Variants in PCDHA11 observed in about 807,000 individuals in gnomAD.
The protein encoded by PCDHA11 is protocadherin alpha-11.
PCDHA11 carries 61 observed loss-of-function variants against 70.3 expected under a neutral mutation model. The ratio of observed to expected loss-of-function variants is 0.87; its 90% CI spans 0.71 to 1.07. PCDHA11 has a LOEUF of 1.07. PCDHA11 is among the 50% of genes least tolerant of loss of function. PCDHA11 has a pLI of 0.00. For synonymous variants in PCDHA11, 633 were observed against 555.1 expected, an observed-to-expected ratio of 1.14 and a Z score of -1.97; for missense variants, 1,324 against 1,237.5, an observed-to-expected ratio of 1.07 and a Z score of -1.05.
At chr5:140,940,593 A>G (rs2092648765) in intron 1 of PCDHA11, among the ~76,000 whole-genome samples, 1 of 152,170 alleles carries the variant, frequency 6.6e-6, no homozygotes, top group Non-Finnish European at 1.5e-5. Flanking sequence ...GATTTCAGGC[A>G]TGAGCCGCTG....
Position 140,869,435 on chromosome 5 carries a change from A to G in PCDHA11, c.332A>G (p.Asp111Gly), listed in dbSNP as rs1554163053. 6.2e-7 allele frequency: 1 copy of G among 1,614,208 alleles called. No homozygotes were observed. Among genetic ancestry groups the G allele is most frequent in the Admixed American group, 1.7e-5 (1 of 60,026 alleles). Residue 111 changes from aspartate to glycine, a missense_variant, in exon 1 of 4, where the codon GAC becomes GGC. By Grantham distance (94) the Asp-to-Gly change is moderately conservative. Coordinates refer to ENST00000398640, the MANE Select transcript of PCDHA11 (RefSeq NM_018902.5). ...ECSIHLEVIV[D>G]RPLQVFHVNV... Reference sequence around the variant, plus strand: ...AGCATCCACCTGGAGGTGATCGTGGACAGGCCGCTGCAGGTTTTCCATGTG... The same window carrying G: ...AGCATCCACCTGGAGGTGATCGTGGGCAGGCCGCTGCAGGTTTTCCATGTG...
intron 1 of PCDHA11, among the ~76,000 whole-genome samples, chr5:140,911,856 T>C (rs1252396387): frequency 6.6e-6 from 1 of 152,184 alleles, no homozygotes; most frequent in Non-Finnish European, 1.5e-5. Context: ...TCCTTAATAG[T>C]CTGTTCTTCT....
intron 1 of PCDHA11, among the ~76,000 whole-genome samples, chr5:140,942,119 A>T (rs1180591078): frequency 6.6e-6 from 1 of 152,242 alleles, no homozygotes; most frequent in African/African-American, 2.4e-5. Context: ...AACTTTATTA[A>T]AGGTGATATT....
At chr5:140,984,254 G>A (rs553931247) in intron 3 of PCDHA11, among the ~76,000 whole-genome samples, 1 of 152,278 alleles carries the variant, frequency 6.6e-6, no homozygotes, top group East Asian at 1.9e-4. Flanking sequence ...GACCTGGTAA[G>A]CCACAAACTA....
chr5:140,877,730 A>G (rs782465464), intron 1 of PCDHA11: 1 of 1,614,146 alleles, frequency 6.2e-7, no homozygotes, highest in Non-Finnish European at 8.5e-7. Flanking sequence ...TACTCGCAGC[A>G]GAGGAGGCAG....
chr5:140,915,638 C>CTT (rs1183097723), intron 1 of PCDHA11, among the ~76,000 whole-genome samples: 1 of 151,724 alleles, frequency 6.6e-6, no homozygotes, highest in African/African-American at 2.4e-5. Context: ...CTCTCTCTCT[C>CTT]TCTCTCTCTC....
At chr5:140,872,364 G>A (rs538641401) in intron 1 of PCDHA11, among the ~76,000 whole-genome samples, 1 of 152,132 alleles carries the variant, frequency 6.6e-6, no homozygotes, top group South Asian at 2.1e-4. Context: ...AAGTGGTTCA[G>A]GCCTGTAATC....
intron 1 of PCDHA11, among the ~76,000 whole-genome samples, chr5:140,901,404 G>C (rs1047085666): frequency 6.6e-6 from 1 of 152,166 alleles, no homozygotes; most frequent in East Asian, 1.9e-4. Flanking sequence ...GTGAGAGATA[G>C]GGGTCTAGTT....
rs113142258 is a variant in PCDHA11, at chr5:140,939,756, T to C, written c.2392-39193T>C. 3.3e-3 allele frequency among the ~76,000 whole-genome samples: 504 copies of C among 152,358 alleles called. 2 individuals carry two copies. Among genetic ancestry groups the C allele is most frequent in the African/African-American group, 0.012 (483 of 41,584 alleles). Reference sequence around the variant, plus strand: ...AGCTGTGTATCATTCATTGTCATTATATAGTATTTCAGGGTGTGAATGGTC... The same window carrying C: ...AGCTGTGTATCATTCATTGTCATTACATAGTATTTCAGGGTGTGAATGGTC... On this transcript the variant is annotated intron_variant, in intron 1 of 3. Transcript: ENST00000398640.
At chr5:140,919,262 G>A (rs1482345606) in intron 1 of PCDHA11, among the ~76,000 whole-genome samples, 2 of 152,142 alleles carry the variant, frequency 1.3e-5, no homozygotes, top group African/African-American at 4.8e-5. Context: ...TCTGATATTA[G>A]TGTAGTCACT....
At chr5:140,961,548 T>G (rs2095620507) in intron 1 of PCDHA11, among the ~76,000 whole-genome samples, 2 of 152,230 alleles carry the variant, frequency 1.3e-5, no homozygotes, top group Non-Finnish European at 2.9e-5. Flanking sequence ...CCTGCAGCAT[T>G]TCTTTTTTTA....
chr5:140,877,070 T>A (rs2056830444), intron 1 of PCDHA11: 4 of 1,613,050 alleles, frequency 2.5e-6, no homozygotes, highest in Non-Finnish European at 3.4e-6. Flanking sequence ...CTGCTGCAGT[T>A]CCAGGTGAGC....
chr5:140,969,391 A>G, intron 1 of PCDHA11: 2 of 1,592,664 alleles, frequency 1.3e-6, no homozygotes, highest in South Asian at 2.3e-5. Flanking sequence ...ATCCCCCAAT[A>G]TCCTGTGATT....
At chr5:140,888,703 G>C (rs547593291) in intron 1 of PCDHA11, among the ~76,000 whole-genome samples, 1 of 152,180 alleles carries the variant, frequency 6.6e-6, no homozygotes, top group Admixed American at 6.5e-5. Context: ...TGATTGGTAG[G>C]AATGTGAAAT....
At chr5:140,917,242 T>C (rs564284004) in intron 1 of PCDHA11, among the ~76,000 whole-genome samples, 1 of 151,850 alleles carries the variant, frequency 6.6e-6, no homozygotes, top group African/African-American at 2.4e-5. Flanking sequence ...ATCTAGGTAC[T>C]ACGATTGCTC....
At chr5:140,962,770 G>A (rs1387109570) in intron 1 of PCDHA11, among the ~76,000 whole-genome samples, 1 of 152,164 alleles carries the variant, frequency 6.6e-6, no homozygotes, top group Admixed American at 6.5e-5. Flanking sequence ...TTTTTAACAA[G>A]ATGGAATTTT....
At chr5:140,881,579 C>A (rs1299755224) in intron 1 of PCDHA11, among the ~76,000 whole-genome samples, 1 of 152,168 alleles carries the variant, frequency 6.6e-6, no homozygotes, top group Non-Finnish European at 1.5e-5. Context: ...TCTCAAGTCA[C>A]ATTGAGGGAA....
intron 1 of PCDHA11, chr5:140,968,791 C>G (rs2096270570): frequency 2.5e-6 from 4 of 1,614,076 alleles, no homozygotes; most frequent in Non-Finnish European, 3.4e-6. Flanking sequence ...CCTCTGTGGC[C>G]ATTACAGTAG....
chr5:141,011,228 A>T lies in PCDHA11; in HGVS notation c.*1291A>T, dbSNP rs2098419864. 1 of 153,664 alleles carries T rather than the reference A, an allele frequency of 6.5e-6. No homozygotes were observed. The highest frequency in any genetic ancestry group is 1.5e-5 in the Non-Finnish European group (1 of 68,016). 9.5% of individuals were successfully genotyped at this position (153,664 alleles called of 1,614,324 possible). On this transcript the variant is annotated 3_prime_UTR_variant, in exon 4 of 4. Coordinates refer to ENST00000398640, the MANE Select transcript of PCDHA11 (RefSeq NM_018902.5). The stretch of plus-strand genomic sequence containing the variant: ...CAGTGAGCAGATTTTTCAATCTACT[A>T]ATTCTGTGACTTGTCTTGGTGTGCT...
Sources: gnomAD v4.1 joint callset for allele counts (sites outside exome capture counted in the v4.1 genomes callset) on GRCh38, gnomAD v4.1.1 for gene constraint, MANE v1.5 for transcripts, NCBI Gene and HGNC (gene_info 2026-07-23, HGNC 2026-07-21) for gene names.